Variants in SERPINI2 observed in about 807,000 individuals in gnomAD.
SERPINI2 encodes serpin family I member 2.
In SERPINI2, 48 loss-of-function variants were observed where a neutral mutation model predicts 47.3. The ratio of observed to expected loss-of-function variants is 1.02; its 90% CI spans 0.81 to 1.29. The LOEUF is 1.29. SERPINI2 is among the 50% of genes most tolerant of loss of function. The pLI is 0.00. For synonymous variants in SERPINI2, 135 were observed against 149.3 expected, an observed-to-expected ratio of 0.90 and a Z score of 0.70; for missense variants, 448 against 456.9, an observed-to-expected ratio of 0.98 and a Z score of 0.18.
chr3:167,469,680 G>A (rs569882461), intron 2 of SERPINI2: 2 of 152,238 alleles, frequency 1.3e-5, no homozygotes, highest in South Asian at 4.2e-4. Flanking sequence ...TCAGCAAAAT[G>A]GAGGAGGTAA....
intron 3 of SERPINI2, 76 bp downstream of exon 3, chr3:167,466,979 C>A: frequency 1.0e-6 from 1 of 968,376 alleles, no homozygotes; most frequent in Non-Finnish European, 1.5e-6. Flanking sequence ...AAATATTCAG[C>A]CATTCTTTAC....
chr3:167,446,380 CAA>C lies in SERPINI2; in HGVS notation c.1141+10_1141+11del. The C allele has an allele frequency of 6.4e-7, 1 of 1,568,976 alleles. No homozygotes were observed. Among genetic ancestry groups the C allele is most frequent in the Non-Finnish European group, 8.7e-7 (1 of 1,147,994 alleles). ...ATAATCAGTTCCCCCAAATAATTCT[CAA>C]AAAAGGTACCTGTTGGATTATGCTT... On this transcript the variant is annotated intron_variant, in intron 8 of 8. Transcript: ENST00000264677.
At chr3:167,470,550 CTTTTTTTTTT>C (rs536884425) in intron 2 of SERPINI2, among the ~76,000 whole-genome samples, 3,781 of 93,052 alleles carry the variant, frequency 0.041, 133 homozygotes, top group African/African-American at 0.067. Flanking sequence ...TGAGCAACAA[CTTTTTTTTTT>C]TTTTTTTTTT....
At position 167,462,861 on chromosome 3, in the gene SERPINI2, T is replaced by A. The variant is rs184871967; in HGVS notation, c.866+2345A>T. Among the ~76,000 whole-genome samples the A allele has an allele frequency of 9.8e-5, 15 of 152,288 alleles. No homozygotes were observed. The East Asian group carries it at 2.7e-3, about 27-fold the overall frequency. Reference sequence around the variant, plus strand: ...GAGAATAAGGCCAAACAGTTCAAAGTTGTCTACACTGTGACAGCTTGGACA... The same window carrying A: ...GAGAATAAGGCCAAACAGTTCAAAGATGTCTACACTGTGACAGCTTGGACA... On this transcript the variant is annotated intron_variant, in intron 5 of 8. Coordinates refer to ENST00000264677, the Ensembl canonical transcript of SERPINI2.
intron 1 of SERPINI2, 130 bp from the exon 2 acceptor site, chr3:167,471,974 A>C (rs991644906): frequency 3.2e-6 from 2 of 626,090 alleles, no homozygotes; most frequent in East Asian, 5.3e-5. Flanking sequence ...AACTCTATCC[A>C]ATTAGATTTC....
chr3:167,463,351 G>T (rs1750035733), intron 5 of SERPINI2, among the ~76,000 whole-genome samples: 1 of 152,044 alleles, frequency 6.6e-6, no homozygotes, highest in Non-Finnish European at 1.5e-5. Context: ...TCAAATGGCT[G>T]GGAAATGAAA....
At chr3:167,459,228 C>T (rs1056824624) in intron 5 of SERPINI2, among the ~76,000 whole-genome samples, 9 of 151,956 alleles carry the variant, frequency 5.9e-5, no homozygotes, top group Admixed American at 3.3e-4. Context: ...GCGCCCGCCA[C>T]TATGCCCGGC....
At chr3:167,465,694 G>T in intron 3 of SERPINI2, 21 bp from the exon 4 acceptor site, 1 of 1,587,012 alleles carries the variant, frequency 6.3e-7, no homozygotes, top group Non-Finnish European at 8.6e-7. Context: ...GGTGGAGGAG[G>T]AGGTAAGAAG....
intron 7 of SERPINI2, 27 bp downstream of exon 7, chr3:167,449,289 A>T: frequency 6.7e-7 from 1 of 1,483,390 alleles, no homozygotes; most frequent in Non-Finnish European, 9.4e-7. Context: ...GTTTCCTTCT[A>T]GCTTGGCCAG....
rs757261213 is a variant in SERPINI2, at chr3:167,465,166, G to A, written c.866+40C>T. The A allele has an allele frequency of 1.8e-5, 28 of 1,525,398 alleles. 1 individual carries two copies. Among genetic ancestry groups the A allele is most frequent in the Non-Finnish European group, 7.1e-6 (8 of 1,122,510 alleles). The allele number at this position is 1,525,398 out of a possible 1,614,324, so 94.5% of individuals were successfully genotyped here. On this transcript the variant is annotated intron_variant, in intron 5 of 8. Transcript: ENST00000264677. ...TGACTGCTCAAATTCCTATGTGAGT[G>A]GAAACGTAAGAACTCGTATAATAAA...
chr3:167,465,522 A>T, exon 4 of SERPINI2: 1 of 1,613,864 alleles, frequency 6.2e-7, no homozygotes, highest in Non-Finnish European at 8.5e-7. Context: ...GAATTTTGAC[A>T]GTTGAACCAT....
At position 167,453,938 on chromosome 3, in the gene SERPINI2, T is replaced by C. The variant is rs115883236; in HGVS notation, c.867-905A>G. Among the ~76,000 whole-genome samples the C allele has an allele frequency of 9.4e-3, 1,439 of 152,340 alleles. 20 individuals are homozygous for C. The highest frequency in any genetic ancestry group is 0.032 in the African/African-American group (1,311 of 41,580). Reference sequence around the variant, plus strand: ...TAGATGCTTAAAGCATTAATTTGCATTTTAAATACAGATCAGAAACTTTGT... The same window carrying C: ...TAGATGCTTAAAGCATTAATTTGCACTTTAAATACAGATCAGAAACTTTGT... On this transcript the variant is annotated intron_variant, in intron 5 of 8. Transcript: ENST00000264677.
In SERPINI2 at chr3:167,446,383, A is replaced by G; in HGVS notation, c.1141+9T>C. The G allele has an allele frequency of 6.3e-7, 1 of 1,579,202 alleles. No homozygotes were observed. The highest frequency in any genetic ancestry group is 8.6e-7 in the Non-Finnish European group (1 of 1,156,620). On this transcript the variant is annotated intron_variant, in intron 8 of 8. Transcript: ENST00000264677. ...ATCAGTTCCCCCAAATAATTCTCAA[A>G]AAAGGTACCTGTTGGATTATGCTTC...
chr3:167,454,697 A>C (rs1383460612), intron 5 of SERPINI2, among the ~76,000 whole-genome samples: 1 of 152,182 alleles, frequency 6.6e-6, no homozygotes, highest in African/African-American at 2.4e-5. Context: ...TCCTGCTCAT[A>C]ATATAGTCCA....
At chr3:167,473,357 G>T (rs1038594473) in intron 1 of SERPINI2, among the ~76,000 whole-genome samples, 1 of 151,522 alleles carries the variant, frequency 6.6e-6, no homozygotes, top group South Asian at 2.1e-4. Context: ...GTGAGTAAGA[G>T]AAGTTTTACA....
At chr3:167,474,446 A>T (rs759900730), upstream of SERPINI2, among the ~76,000 whole-genome samples, 4 of 151,726 alleles carry the variant, frequency 2.6e-5, no homozygotes, top group Non-Finnish European at 4.4e-5. Context: ...AATAAAGCTA[A>T]ATCAAGTCCA....
intron 2 of SERPINI2, among the ~76,000 whole-genome samples, chr3:167,470,381 ACTG>A (rs1371239582): frequency 6.6e-6 from 1 of 152,124 alleles, no homozygotes; most frequent in African/African-American, 2.4e-5. Flanking sequence ...ATTTCTAAAT[ACTG>A]CTACTCTGTG....
chr3:167,475,881 A>G (rs760556595), upstream of SERPINI2, among the ~76,000 whole-genome samples: 1 of 151,790 alleles, frequency 6.6e-6, no homozygotes, highest in Non-Finnish European at 1.5e-5. Flanking sequence ...TTATCCTTTT[A>G]TAGTTTTTTC....
intron 7 of SERPINI2, among the ~76,000 whole-genome samples, chr3:167,448,208 A>G (rs1398155804): frequency 6.6e-6 from 1 of 152,196 alleles, no homozygotes; most frequent in East Asian, 1.9e-4. Context: ...GGCCTAGAAG[A>G]GTGGTTCTCT....
Sources: allele counts gnomAD v4.1 joint callset (sites outside exome capture counted in the v4.1 genomes callset), GRCh38; gene constraint gnomAD v4.1.1; transcripts MANE v1.5; gene names NCBI Gene and HGNC (gene_info 2026-07-23, HGNC 2026-07-21).